The following AP2A1 variants were observed in gnomAD, a reference collection of about 807,000 sequenced individuals.
AP2A1 encodes the protein AP-2 complex subunit alpha-1.
In AP2A1, 21 loss-of-function variants were observed where a neutral mutation model predicts 107.3. The observed-to-expected ratio is 0.20, with a 90% CI of 0.14 to 0.28. AP2A1 has a LOEUF of 0.28. Among genes scored for constraint, AP2A1 ranks in the 10% least tolerant of loss-of-function variants. The probability of loss-of-function intolerance (pLI) is 1.00; values close to 1 mark genes in which losing one functional copy is unlikely to be tolerated. For synonymous variants in AP2A1, 602 were observed against 564.8 expected, an observed-to-expected ratio of 1.07 and a Z score of -0.93; for missense variants, 873 against 1,307.7, an observed-to-expected ratio of 0.67 and a Z score of 5.13.
chr19:49,781,291 A>T (rs2084671814), intron 1 of AP2A1, among the ~76,000 whole-genome samples: 1 of 152,046 alleles, frequency 6.6e-6, no homozygotes, highest in Non-Finnish European at 1.5e-5. Flanking sequence ...CAAGGGTCTG[A>T]CCTGGTGACT....
intron 18 of AP2A1, chr19:49,805,106 C>T (rs1318258668): frequency 1.2e-5 from 3 of 241,998 alleles, no homozygotes; most frequent in Non-Finnish European, 2.4e-5. Context: ...TGCCATGTTG[C>T]CCAGGCTTAC....
chr19:49,782,145 G>A, intron 3 of AP2A1, 56 bp downstream of exon 3: 1 of 1,365,798 alleles, frequency 7.3e-7, no homozygotes, highest in South Asian at 1.3e-5. Context: ...CGGGGGAGGG[G>A]GCTGGAGGTC....
intron 10 of AP2A1, 63 bp from the exon 11 acceptor site, chr19:49,799,905 T>G: frequency 2.5e-6 from 4 of 1,589,352 alleles, no homozygotes; most frequent in Non-Finnish European, 3.4e-6. Flanking sequence ...TGAGCCCAGA[T>G]CCAGGTGAGT....
In AP2A1 at chr19:49,792,085, C is replaced by T. The variant is rs376270224; in HGVS notation, c.603+21C>T. On this transcript the variant is annotated intron_variant, in intron 5 of 22. Coordinates refer to ENST00000354293, the MANE Select transcript of AP2A1 (RefSeq NM_130787.3). ...ACATGGTGAGCCCCCAGCCCTCACA[C>T]CCCCGGATACCCAGGGCTCCCACCT... is the stretch of plus-strand genomic sequence containing the variant. 806 of 1,606,050 alleles carry T rather than the reference C, an allele frequency of 5.0e-4. 4 individuals are homozygous for T. Among genetic ancestry groups the T allele is most frequent in the Middle Eastern group, 2.8e-3 (14 of 4,968 alleles).
chr19:49,794,319 G>C (rs893000579), intron 6 of AP2A1, among the ~76,000 whole-genome samples: 1 of 148,506 alleles, frequency 6.7e-6, no homozygotes, highest in Admixed American at 6.7e-5. Flanking sequence ...AGGCTCAAGC[G>C]ATCTCTCGCC....
intron 6 of AP2A1, among the ~76,000 whole-genome samples, chr19:49,793,865 GAA>G (rs1007500754): frequency 2.8e-5 from 4 of 141,436 alleles, no homozygotes; most frequent in Admixed American, 7.2e-5. Context: ...GCAAAGAGAA[GAA>G]CACACCAGCT....
rs746488223 is a variant in AP2A1 at position 49,807,067 on chromosome 19, C to G, written c.*309C>G. 1.4e-6 allele frequency: 2 copies of G among 1,382,530 alleles called. No homozygotes were observed. The highest frequency in any genetic ancestry group is 9.7e-7 in the Non-Finnish European group (1 of 1,032,864). 85.6% of individuals were successfully genotyped at this position (1,382,530 alleles called of 1,614,324 possible). ...GTAGCCCCTCCTACCCCCTCCCCATCCAGGGGCTGTGTATTATTGTGAGCG... is the reference window on the plus strand; with the variant it reads ...GTAGCCCCTCCTACCCCCTCCCCATGCAGGGGCTGTGTATTATTGTGAGCG... On this transcript the variant is annotated 3_prime_UTR_variant, in exon 23 of 23. Coordinates refer to ENST00000354293, the MANE Select transcript of AP2A1 (RefSeq NM_130787.3).
In AP2A1 at chr19:49,782,661, A is replaced by G. The variant is rs749327119; in HGVS notation, c.410A>G (p.Asn137Ser). 3.7e-6 allele frequency: 6 copies of G among 1,612,958 alleles called. No homozygotes were observed. ...FMCLALHCIA[N>S]VGSREMGEAF... ...TGCCTGGCCCTGCACTGCATCGCCA[A>G]CGTGGGCAGCCGGGAGATGGGCGAG... The change falls in exon 4 of 23, where the codon AAC becomes AGC. Residue 137 changes from asparagine to serine, a missense_variant. By Grantham distance (46) the Asn-to-Ser change is conservative. Transcript: ENST00000354293.
intron 6 of AP2A1, 75 bp downstream of exon 6, chr19:49,793,167 C>A: frequency 1.5e-6 from 2 of 1,348,616 alleles, no homozygotes; most frequent in South Asian, 1.3e-5. Flanking sequence ...CTCAGGCCCC[C>A]ACTCTCCCTG....
chr19:49,793,027 C>A lies in AP2A1; in HGVS notation c.640C>A (p.Leu214Ile). 6.2e-7 allele frequency: 1 copy of A among 1,610,398 alleles called. No homozygotes were observed. The highest frequency in any genetic ancestry group is 8.5e-7 in the Non-Finnish European group (1 of 1,178,414). Residue 214 changes from leucine to isoleucine, a missense_variant, in exon 6 of 23, where the codon CTC becomes ATC. This residue lies in a region of AP2A1 where 157 missense variants were observed against 212.6 expected (regional missense o/e 0.74). Coordinates refer to ENST00000354293, the MANE Select transcript of AP2A1 (RefSeq NM_130787.3). ...VTAAVSLITC[L>I]CKKNPDDFKT... ...GGCCGCCGTCAGCCTCATCACCTGT[C>A]TCTGCAAGAAGAACCCAGATGACTT... is the stretch of plus-strand genomic sequence containing the variant.
At position 49,785,623 on chromosome 19, in the gene AP2A1, AT is replaced by A. The variant is rs1463464274; in HGVS notation, c.473+2900del. ...ATCGGCACCGTCCAATAAAAATATA[AT>A]GCAAAATACAGGCCAGGCACAGCAG... On this transcript the variant is annotated intron_variant, in intron 4 of 22. Coordinates refer to ENST00000354293, the MANE Select transcript of AP2A1 (RefSeq NM_130787.3). The surrounding 1 kb of genome is among the most constrained non-coding windows in gnomAD (Gnocchi z 4.1). Among the ~76,000 whole-genome samples, 3 of 152,030 alleles carry A rather than the reference AT, an allele frequency of 2.0e-5. No individual in the cohort carries two copies. The highest frequency in any genetic ancestry group is 4.4e-5 in the Non-Finnish European group (3 of 67,996).
intron 1 of AP2A1, among the ~76,000 whole-genome samples, chr19:49,768,546 A>G (rs1233986694): frequency 6.6e-6 from 1 of 152,176 alleles, no homozygotes; most frequent in Non-Finnish European, 1.5e-5. Context: ...TTGGCTCTGA[A>G]CAGCAGCCCT....
intron 4 of AP2A1, among the ~76,000 whole-genome samples, chr19:49,787,038 G>C (rs2084745618): frequency 6.6e-6 from 1 of 152,098 alleles, no homozygotes; most frequent in South Asian, 2.1e-4. Flanking sequence ...ACAGGGTCTT[G>C]CCCTGTTGCC....
In AP2A1 at chr19:49,767,039, C is replaced by T; in HGVS notation, c.-95C>T. On this transcript the variant is annotated 5_prime_UTR_variant, in exon 1 of 23. Transcript: ENST00000354293. ...CCCCGCGGCCGGCTCGGCTCCTTGG[C>T]GCTGCCTGGGGTCCTTTCCGCCCGG... 4 of 1,348,738 alleles carry T rather than the reference C, an allele frequency of 3.0e-6. No individual in the cohort carries two copies. The highest frequency in any genetic ancestry group is 2.9e-6 in the Non-Finnish European group (3 of 1,019,616). The allele number at this position is 1,348,738 out of a possible 1,614,324, so 83.5% of individuals were successfully genotyped here.
At chr19:49,774,704 C>T (rs187530683) in intron 1 of AP2A1, among the ~76,000 whole-genome samples, 2,574 of 147,702 alleles carry the variant, frequency 0.017, 29 homozygotes, top group Non-Finnish European at 0.025. Flanking sequence ...AGGCGGATCA[C>T]GAGGTCAGGA....
At position 49,767,110 on chromosome 19, in the gene AP2A1, C is replaced by T. The variant is rs746558708; in HGVS notation, c.-24C>T. The T allele has an allele frequency of 5.0e-6, 8 of 1,609,660 alleles. No homozygotes were observed. In the South Asian group the frequency reaches 8.8e-5, roughly 18 times the overall value. ...CTGCTCTGTGCCCTGTCCGGCCAGG[C>T]CTGGAGCCGACACCACCGCCATCAT... On this transcript the variant is annotated 5_prime_UTR_variant, in exon 1 of 23. Transcript: ENST00000354293.
intron 4 of AP2A1, among the ~76,000 whole-genome samples, chr19:49,786,218 G>C (rs1403996823): frequency 2.0e-5 from 3 of 152,154 alleles, no homozygotes; most frequent in Non-Finnish European, 4.4e-5. Context: ...AGGTGACAGT[G>C]ACACCCTGTC....
At chr19:49,802,619 G>A in intron 15 of AP2A1, 2 of 1,562,224 alleles carry the variant, frequency 1.3e-6, no homozygotes, top group South Asian at 2.4e-5. Context: ...GGCCTGGGGT[G>A]GGAGGTCGGT....
chr19:49,771,276 C>T (rs2084553602), intron 1 of AP2A1, among the ~76,000 whole-genome samples: 1 of 142,354 alleles, frequency 7.0e-6, no homozygotes, highest in South Asian at 2.3e-4. Flanking sequence ...GAATCCAGCC[C>T]GGGCCACATA....
Sources: gnomAD v4.1 joint callset for allele counts (sites outside exome capture counted in the v4.1 genomes callset) on GRCh38, gnomAD v4.1.1 for gene constraint, gnomAD v4.1.1 regional missense constraint, Gnocchi (gnomAD v3.1) non-coding constraint, MANE v1.5 for transcripts, NCBI Gene and HGNC (gene_info 2026-07-23, HGNC 2026-07-21) for gene names.